KIAA1217: variants seen among roughly 807,000 people sequenced by gnomAD.
KIAA1217 encodes the protein KIAA1217.
KIAA1217 carries 88 observed loss-of-function variants against 163.9 expected under a neutral mutation model. The observed-to-expected ratio is 0.54, with a 90% CI of 0.45 to 0.64. The LOEUF is 0.64. Ranked by LOEUF, KIAA1217 falls within the 30% of genes least tolerant of loss-of-function variation. KIAA1217 has a pLI of 0.00. For synonymous variants in KIAA1217, 903 were observed against 923.1 expected (o/e 0.98, Z 0.39); for missense variants, 2,372 against 2,475.0 (o/e 0.96, Z 0.88).
Position 23,984,605 on chromosome 10 carries a change from C to A in KIAA1217, c.-320-22620C>A, listed in dbSNP as rs376230729. Among the ~76,000 whole-genome samples, 12 of 152,192 alleles carry A rather than the reference C, an allele frequency of 7.9e-5. No homozygotes were observed. In the East Asian group the frequency reaches 1.7e-3, roughly 22 times the overall value. ...GCCATAAAAAAGGATGAGTTCATGT[C>A]CTTTGCAGGGACATGGATGAAGCTG... On this transcript the variant is annotated intron_variant, in intron 1 of 18. Transcript: ENST00000376462.
intron 6 of KIAA1217, among the ~76,000 whole-genome samples, chr10:24,484,224 C>CATATATATATATATATATATATATAT (rs1170144059): frequency 1.1e-5 from 1 of 90,544 alleles, no homozygotes; most frequent in East Asian, 3.3e-4. Flanking sequence ...GATAGATATA[C>CATATATATATATATATATATATATAT]ATATATATAT....
At chr10:24,406,956 A>T (rs1837397350) in intron 3 of KIAA1217, among the ~76,000 whole-genome samples, 1 of 152,202 alleles carries the variant, frequency 6.6e-6, no homozygotes. Context: ...ATGAAACAAC[A>T]AAAGCACCTG....
chr10:24,475,546 G>C (rs1297994280), intron 6 of KIAA1217, among the ~76,000 whole-genome samples: 1 of 152,202 alleles, frequency 6.6e-6, no homozygotes, highest in African/African-American at 2.4e-5. Context: ...TGAAACAAAA[G>C]TTCTAACTCT....
At position 23,941,425 on chromosome 10, in the gene KIAA1217, A is replaced by C. The variant is rs1255446896; in HGVS notation, c.-320-65800A>C. The stretch of plus-strand genomic sequence containing the variant: ...GTGACCAAAAACACACAGAAACTGG[A>C]GGAGGTTTGACCCTGGATAATGGGA... On this transcript the variant is annotated intron_variant, in intron 1 of 18. Coordinates refer to the KIAA1217 transcript ENST00000376462. 2.0e-5 allele frequency among the ~76,000 whole-genome samples: 3 copies of C among 152,214 alleles called. No individual in the cohort carries two copies. In the East Asian group the frequency reaches 5.8e-4, roughly 29 times the overall value.
At chr10:24,215,905 G>A (rs560186274) in intron 1 of KIAA1217, among the ~76,000 whole-genome samples, 1 of 152,322 alleles carries the variant, frequency 6.6e-6, no homozygotes, top group African/African-American at 2.4e-5. Context: ...GAGACAAAAG[G>A]AAGGAGTGAG....
chr10:23,874,070 T>C (rs549229222), intron 1 of KIAA1217, among the ~76,000 whole-genome samples: 1 of 152,084 alleles, frequency 6.6e-6, no homozygotes, highest in South Asian at 2.1e-4. Flanking sequence ...TATTTTATGA[T>C]ATCATTTCTG....
intron 1 of KIAA1217, among the ~76,000 whole-genome samples, chr10:23,724,181 C>T (rs1045555396): frequency 9.2e-5 from 14 of 152,184 alleles, no homozygotes; most frequent in Non-Finnish European, 2.1e-4. Flanking sequence ...GGCCCCACCT[C>T]CAACACTGAG....
intron 5 of KIAA1217, among the ~76,000 whole-genome samples, chr10:24,465,048 G>A (rs2062797850): frequency 6.6e-6 from 1 of 152,158 alleles, no homozygotes; most frequent in South Asian, 2.1e-4. Context: ...ATCAGACAAG[G>A]GGGACCACTC....
At chr10:24,545,394 C>G in intron 20 of KIAA1217, 1 of 1,328,328 alleles carries the variant, frequency 7.5e-7, no homozygotes. Flanking sequence ...AGTGTTTCAT[C>G]TGAACACCTC....
intron 2 of KIAA1217, among the ~76,000 whole-genome samples, chr10:24,177,220 C>T (rs369865808): frequency 4.5e-5 from 6 of 131,872 alleles, no homozygotes; most frequent in East Asian, 2.5e-4. Context: ...GCACCGAAAG[C>T]GAGCGAGGGC....
chr10:23,818,026 CACAT>C (rs1357676670), intron 1 of KIAA1217, among the ~76,000 whole-genome samples: 1 of 123,906 alleles, frequency 8.1e-6, no homozygotes, highest in African/African-American at 3.5e-5. Context: ...TATATATACA[CACAT>C]ATATATACAT....
intron 2 of KIAA1217, among the ~76,000 whole-genome samples, chr10:24,071,060 C>T (rs796476461): frequency 4.6e-5 from 7 of 152,064 alleles, no homozygotes; most frequent in African/African-American, 1.7e-4. Context: ...CCTAATGAGA[C>T]CAATTGAAGG....
intron 2 of KIAA1217, among the ~76,000 whole-genome samples, chr10:24,324,137 A>T (rs1157755582): frequency 6.6e-6 from 1 of 151,694 alleles, no homozygotes; most frequent in Non-Finnish European, 1.5e-5. Context: ...ACATGGTAAC[A>T]TGTGCCTGTA....
At chr10:23,800,367 G>T (rs955970370) in intron 1 of KIAA1217, among the ~76,000 whole-genome samples, 86 of 152,034 alleles carry the variant, frequency 5.7e-4, no homozygotes, top group African/African-American at 1.9e-3. Flanking sequence ...GGAAACTAGA[G>T]GTGGGTTTAA....
chr10:23,742,834 C>T (rs1839193966), intron 1 of KIAA1217, among the ~76,000 whole-genome samples: 1 of 152,192 alleles, frequency 6.6e-6, no homozygotes. Flanking sequence ...ACAATGAAGA[C>T]TGAGAAATTC....
At chr10:24,246,952 G>T (rs147930956) in intron 2 of KIAA1217, among the ~76,000 whole-genome samples, 144 of 151,840 alleles carry the variant, frequency 9.5e-4, no homozygotes, top group African/African-American at 3.3e-3. Flanking sequence ...GGCGGAGGCT[G>T]CAGTGAACGG....
At chr10:23,962,256 C>T (rs80231936) in intron 1 of KIAA1217, among the ~76,000 whole-genome samples, 2,523 of 152,212 alleles carry the variant, frequency 0.017, 33 homozygotes, top group African/African-American at 0.043. Flanking sequence ...GTCTGACCAA[C>T]GACATAACCT....
At chr10:24,381,667 CA>C (rs1257679465) in intron 3 of KIAA1217, among the ~76,000 whole-genome samples, 1 of 151,890 alleles carries the variant, frequency 6.6e-6, no homozygotes, top group African/African-American at 2.4e-5. Context: ...TCCCTGGTGC[CA>C]AAAAAAATTA....
intron 2 of KIAA1217, among the ~76,000 whole-genome samples, chr10:24,017,039 TG>T (rs146439267): frequency 1.3e-3 from 129 of 97,640 alleles, no homozygotes; most frequent in African/African-American, 2.3e-3. Context: ...TTAGTTTTTT[TG>T]TTTTTTTTTT....
Sources: allele counts gnomAD v4.1 joint callset (sites outside exome capture counted in the v4.1 genomes callset), GRCh38; gene constraint gnomAD v4.1.1; transcripts MANE v1.5; gene names NCBI Gene and HGNC (gene_info 2026-07-23, HGNC 2026-07-21).